Variants in NEGR1 observed in about 807,000 individuals in gnomAD.
NEGR1 encodes the protein IgLON family member 4.
Under a neutral mutation model 40.9 loss-of-function variants are expected in NEGR1, and 10 were observed. The ratio of observed to expected loss-of-function variants is 0.24; its 90% CI spans 0.15 to 0.42. The LOEUF (loss-of-function observed/expected upper bound fraction) is 0.42, where lower values mean the gene tolerates loss of function less well. NEGR1 is among the 10% of genes least tolerant of loss of function. The pLI is 1.00. For synonymous variants in NEGR1, 185 were observed against 166.8 expected (o/e 1.11, Z -0.84); for missense variants, 352 against 438.9 (o/e 0.80, Z 1.77).
chr1:71,540,481 T>C (rs1224262027), intron 6 of NEGR1, among the ~76,000 whole-genome samples: 1 of 151,782 alleles, frequency 6.6e-6, no homozygotes, highest in African/African-American at 2.4e-5. Context: ...TTCTTCCTCA[T>C]GTATGATTAT....
chr1:71,739,713 A>C (rs1655155622), intron 3 of NEGR1, among the ~76,000 whole-genome samples: 2 of 152,286 alleles, frequency 1.3e-5, no homozygotes, highest in Admixed American at 1.3e-4. Context: ...AAGTTTATTG[A>C]GCACCTACAC....
intron 1 of NEGR1, among the ~76,000 whole-genome samples, chr1:72,042,546 A>C (rs2100459725): frequency 6.6e-6 from 1 of 152,132 alleles, no homozygotes; most frequent in Non-Finnish European, 1.5e-5. Flanking sequence ...TAGCACAAAT[A>C]AAAGAATACT....
chr1:72,015,386 G>A (rs541784686), intron 1 of NEGR1, among the ~76,000 whole-genome samples: 2 of 150,848 alleles, frequency 1.3e-5, no homozygotes, highest in Non-Finnish European at 3.0e-5. Context: ...ATCTTTCATT[G>A]TTCTTTAGGC....
intron 4 of NEGR1, among the ~76,000 whole-genome samples, chr1:71,614,319 T>A (rs1208236109): frequency 1.3e-5 from 2 of 152,022 alleles, no homozygotes; most frequent in Non-Finnish European, 2.9e-5. Flanking sequence ...TATACCCTTA[T>A]ATATACACAT....
At chr1:72,021,002 T>A (rs985193687) in intron 1 of NEGR1, among the ~76,000 whole-genome samples, 2 of 151,976 alleles carry the variant, frequency 1.3e-5, no homozygotes, top group African/African-American at 4.8e-5. Context: ...TAGTTGGAAA[T>A]AACACATTTT....
intron 2 of NEGR1, among the ~76,000 whole-genome samples, chr1:71,776,996 C>G (rs1408662642): frequency 1.3e-5 from 2 of 152,022 alleles, no homozygotes; most frequent in African/African-American, 4.8e-5. Flanking sequence ...CCATAAGAGT[C>G]AAGGGGGATA....
intron 1 of NEGR1, among the ~76,000 whole-genome samples, chr1:71,977,345 A>C (rs925735848): frequency 6.6e-6 from 1 of 152,128 alleles, no homozygotes; most frequent in Admixed American, 6.5e-5. Context: ...AAAACAAAAC[A>C]AAACAAAAAC....
chr1:71,399,361 TCAA>T lies in NEGR1; in HGVS notation c.*8082_*8084del, dbSNP rs1439036487. 6.6e-6 allele frequency: 1 copy of T among 152,184 alleles called. No homozygotes were observed. The highest frequency in any genetic ancestry group is 2.4e-5 in the African/African-American group (1 of 41,464). The allele number at this position is 152,184 out of a possible 1,614,324, so 9.4% of individuals were successfully genotyped here. On this transcript the variant is annotated 3_prime_UTR_variant, in exon 7 of 7. Transcript: ENST00000357731. ...TTTCAAAGCATAATTTAGTTGTTTA[TCAA>T]CAAGAAAAATGTATTACAAGAAATT...
chr1:71,495,954 C>A (rs529299016), intron 6 of NEGR1, among the ~76,000 whole-genome samples: 20 of 152,184 alleles, frequency 1.3e-4, no homozygotes, highest in African/African-American at 4.8e-4. Context: ...ATAATTCTTG[C>A]AACATTTTTT....
chr1:71,882,205 AT>A (rs1007524236), intron 2 of NEGR1, among the ~76,000 whole-genome samples: 1 of 152,084 alleles, frequency 6.6e-6, no homozygotes, highest in Non-Finnish European at 1.5e-5. Flanking sequence ...TGCAATTTAA[AT>A]TTGTTGACTT....
At chr1:71,541,951 C>T (rs993985687) in intron 6 of NEGR1, among the ~76,000 whole-genome samples, 16 of 151,772 alleles carry the variant, frequency 1.1e-4, no homozygotes, top group Non-Finnish European at 1.5e-5. Flanking sequence ...GAGTGTATTC[C>T]ATTTTCCTGA....
intron 1 of NEGR1, among the ~76,000 whole-genome samples, chr1:72,229,724 T>A (rs1194274): frequency 0.022 from 3,288 of 151,940 alleles, 55 homozygotes; most frequent in African/African-American, 0.032. Context: ...TTTCCAAAAG[T>A]CTGTAAAATT....
chr1:72,267,488 G>A (rs1320424260), intron 1 of NEGR1, among the ~76,000 whole-genome samples: 2 of 151,194 alleles, frequency 1.3e-5, no homozygotes, highest in Non-Finnish European at 3.0e-5. Flanking sequence ...GAAAAGTCCA[G>A]ATATTGTCTG....
chr1:72,098,966 A>G (rs1043101654), intron 1 of NEGR1, among the ~76,000 whole-genome samples: 1 of 152,066 alleles, frequency 6.6e-6, no homozygotes, highest in African/African-American at 2.4e-5. Flanking sequence ...CAGATTTTAT[A>G]CTAAAATTCG....
chr1:71,679,091 T>C (rs893284500), intron 4 of NEGR1, among the ~76,000 whole-genome samples: 5 of 152,156 alleles, frequency 3.3e-5, no homozygotes, highest in Non-Finnish European at 5.9e-5. Context: ...AGCTTTAATT[T>C]TGCCCATAAT....
intron 6 of NEGR1, among the ~76,000 whole-genome samples, chr1:71,574,098 T>C (rs1648886685): frequency 1.3e-5 from 2 of 152,190 alleles, no homozygotes; most frequent in Non-Finnish European, 2.9e-5. Flanking sequence ...TGTCTTCCTC[T>C]GAGAAAAAGA....
chr1:72,079,988 T>A (rs1412026114), intron 1 of NEGR1, among the ~76,000 whole-genome samples: 1 of 152,108 alleles, frequency 6.6e-6, no homozygotes, highest in Non-Finnish European at 1.5e-5. Context: ...CTAAGGCTTC[T>A]TTCACCAGAC....
At chr1:71,821,410 G>T (rs1658423833) in intron 2 of NEGR1, among the ~76,000 whole-genome samples, 2 of 152,084 alleles carry the variant, frequency 1.3e-5, no homozygotes, top group Middle Eastern at 3.4e-3. Flanking sequence ...ACTGCATTTT[G>T]TACCTCCTAA....
At chr1:71,752,575 C>A (rs181427402) in intron 3 of NEGR1, among the ~76,000 whole-genome samples, 368 of 152,192 alleles carry the variant, frequency 2.4e-3, no homozygotes, top group African/African-American at 8.4e-3. Flanking sequence ...TTTGCATGAA[C>A]CTATCTTTGG....
Sources: allele counts gnomAD v4.1 joint callset (sites outside exome capture counted in the v4.1 genomes callset), GRCh38; gene constraint gnomAD v4.1.1; transcripts MANE v1.5; gene names NCBI Gene and HGNC (gene_info 2026-07-23, HGNC 2026-07-21).